PAN2: variants seen among roughly 807,000 people sequenced by gnomAD.
PAN2 encodes the protein poly(A) specific ribonuclease subunit PAN2.
Under a neutral mutation model 133.3 loss-of-function variants are expected in PAN2, and 68 were observed. That is an observed-to-expected ratio of 0.51 (90% CI 0.42 to 0.62). The LOEUF (loss-of-function observed/expected upper bound fraction) is 0.62, where lower values mean the gene tolerates loss of function less well. Ranked by LOEUF, PAN2 falls within the 20% of genes least tolerant of loss-of-function variation. PAN2 has a pLI of 0.00. For synonymous variants in PAN2, 462 were observed against 544.6 expected (o/e 0.85, Z 2.11); for missense variants, 1,042 against 1,500.5 (o/e 0.69, Z 5.05).
At chr12:56,322,909 CTGAG>C (rs1874720191) in intron 17 of PAN2, 149 bp downstream of exon 17, 1 of 1,266,438 alleles carries the variant, frequency 7.9e-7, no homozygotes, top group Non-Finnish European at 1.1e-6. Flanking sequence ...CAACACTGAA[CTGAG>C]TGACTATGGA....
At chr12:56,321,000 G>A (rs1303139702) in intron 20 of PAN2, among the ~76,000 whole-genome samples, 1 of 149,724 alleles carries the variant, frequency 6.7e-6, no homozygotes, top group Non-Finnish European at 1.5e-5. Flanking sequence ...GGAGGTGGAG[G>A]TCGCAGTGAG....
In PAN2 at chr12:56,322,083, A is replaced by T; in HGVS notation, c.2783T>A (p.Leu928Gln). 1 of 1,583,032 alleles carries T rather than the reference A, an allele frequency of 6.3e-7. No individual in the cohort carries two copies. ...GTCTACTATGTAGCACTTACTGTTCAGGTTGTATCTGGAATTGAGATTCCG... is the reference window on the plus strand; with the variant it reads ...GTCTACTATGTAGCACTTACTGTTCTGGTTGTATCTGGAATTGAGATTCCG... ...VKRNLNSRYN[L>Q]NIKNPIEASV... Residue 928 changes from leucine (L) to glutamine (Q), a missense_variant, in exon 20 of 26, where the codon CTG becomes CAG. By Grantham distance (113) the Leu-to-Gln change is moderately radical. Transcript: ENST00000440411.
At chr12:56,333,278 T>C (rs1224205781) in intron 1 of PAN2, 70 bp from the exon 2 acceptor site, 10 of 593,706 alleles carry the variant, frequency 1.7e-5, no homozygotes, top group South Asian at 1.2e-4. Context: ...TTCTAGGTTA[T>C]GGGGGCAGGA....
chr12:56,323,739 C>T (rs1565633777), intron 14 of PAN2, 68 bp downstream of exon 14: 4 of 1,450,292 alleles, frequency 2.8e-6, no homozygotes, highest in Non-Finnish European at 3.9e-6. Context: ...GAGCCAGCCC[C>T]ACATGGGATA....
At position 56,325,068 on chromosome 12, in the gene PAN2, T is replaced by C; in HGVS notation, c.1540A>G (p.Thr514Ala). The C allele has an allele frequency of 6.2e-7, 1 of 1,613,710 alleles. No individual in the cohort carries two copies. The highest frequency in any genetic ancestry group is 8.5e-7 in the Non-Finnish European group (1 of 1,179,724). The change falls in exon 10 of 26, where the codon ACC becomes GCC. Residue 514 changes from threonine to alanine, a missense_variant. Thr to Ala is a moderately conservative substitution (Grantham distance 58, BLOSUM62 0). Coordinates refer to ENST00000440411, the MANE Select transcript of PAN2 (RefSeq NM_014871.6). The part of the protein sequence containing the change: ...EDFDFKHYNK[T>A]LFAGLEPHIP... ...TGGGGCTCTAATCCAGCAAACAAGG[T>C]CTTATTGTAGTGTTTGAAGTCAAAG...
At chr12:56,328,439 T>C (rs1312316007) in intron 3 of PAN2, 33 bp downstream of exon 3, 1 of 1,611,232 alleles carries the variant, frequency 6.2e-7, no homozygotes, top group Admixed American at 1.7e-5. Flanking sequence ...TGAGGCATCC[T>C]CGTTCCTAGT....
At chr12:56,322,874 C>G (rs963360746) in intron 17 of PAN2, 116 bp from the exon 18 acceptor site, 4 of 1,285,724 alleles carry the variant, frequency 3.1e-6, no homozygotes, top group South Asian at 2.7e-5. Flanking sequence ...GGTGGGTTAT[C>G]TCCATCCTAG....
Position 56,319,315 on chromosome 12 carries a change from T to G in PAN2, c.3263A>C (p.Asn1088Thr). The change falls in exon 23 of 26, where the codon AAC becomes ACC. Residue 1088 changes from asparagine to threonine, a missense_variant. Physicochemically the swap from Asn to Thr is moderately conservative, Grantham distance 65 (BLOSUM62 0). Around this residue, in one of 3 missense-constraint regions of PAN2, gnomAD observed 49 missense variants for 160.5 expected, o/e 0.31. Transcript: ENST00000440411. This position sits in a 1 kb window ranked among gnomAD's most constrained non-coding sequence, Gnocchi z 5.4. ...AAAAGAGCCCTGCCAAACCATCAGG[T>G]TGATGACCCGGAAGTCCTTCTGCAG... ...HGLQKDFRVI[N>T]LMVPKDQVLD... The G allele has an allele frequency of 6.2e-7, 1 of 1,613,484 alleles. No individual in the cohort carries two copies. Among genetic ancestry groups the G allele is most frequent in the South Asian group, 1.1e-5 (1 of 90,994 alleles).
At chr12:56,320,088 G>A (rs1239658635) in intron 20 of PAN2, 67 bp from the exon 21 acceptor site, 19 of 1,494,544 alleles carry the variant, frequency 1.3e-5, no homozygotes, top group Non-Finnish European at 1.8e-5. Flanking sequence ...GAAGCCCAGT[G>A]TGGCTGATCA....
At chr12:56,318,480 G>T (rs764647241) in intron 24 of PAN2, 46 bp from the exon 25 acceptor site, 8 of 1,454,194 alleles carry the variant, frequency 5.5e-6, no homozygotes, top group Non-Finnish European at 7.7e-6. Context: ...GCAAAGGGAG[G>T]TAGGAACATG....
At position 56,317,275 on chromosome 12, in the gene PAN2, G is replaced by T; in HGVS notation, c.*334C>A. 3.2e-6 allele frequency: 1 copy of T among 312,332 alleles called. No homozygotes were observed. The highest frequency in any genetic ancestry group is 7.2e-5 in the East Asian group (1 of 13,834). The allele number at this position is 312,332 out of a possible 1,614,324, so 19.3% of individuals were successfully genotyped here. A position where few individuals can be genotyped will look rare whatever the true frequency, so the allele number is the denominator to read the frequency against. On this transcript the variant is annotated 3_prime_UTR_variant, in exon 26 of 26. Coordinates refer to ENST00000440411, the MANE Select transcript of PAN2 (RefSeq NM_014871.6). ...AGGACTTCAATCCCTAGCCAGCTAG[G>T]AACTTACAGTTATGGTTCCAGGAGC...
chr12:56,323,610 A>G lies in PAN2; in HGVS notation c.2173-12T>C, dbSNP rs764704561. 1.2e-6 allele frequency: 2 copies of G among 1,611,562 alleles called. No individual in the cohort carries two copies. Among genetic ancestry groups the G allele is most frequent in the South Asian group, 2.2e-5 (2 of 91,012 alleles). On this transcript the variant is annotated splice_polypyrimidine_tract_variant and intron_variant, in intron 14 of 25. Transcript: ENST00000440411. Reference sequence around the variant, plus strand: ...TTGCGGGTCTGAATCTGAGAGGAAGAAACAAACAAGGAATGGCAGGGAATG... The same window carrying G: ...TTGCGGGTCTGAATCTGAGAGGAAGGAACAAACAAGGAATGGCAGGGAATG...
chr12:56,324,225 T>C (rs1404609246), intron 12 of PAN2, 40 bp from the exon 13 acceptor site: 2 of 1,611,814 alleles, frequency 1.2e-6, no homozygotes, highest in African/African-American at 2.7e-5. Context: ...TTGAGGAAGT[T>C]AGGAGACCTT....
At chr12:56,330,644 C>A (rs963008226) in intron 2 of PAN2, among the ~76,000 whole-genome samples, 1 of 151,514 alleles carries the variant, frequency 6.6e-6, no homozygotes, top group African/African-American at 2.4e-5. Flanking sequence ...CAGGCGTGAG[C>A]CACCGCGCCC....
At chr12:56,326,259 T>C (rs779260380) in intron 8 of PAN2, 54 bp downstream of exon 8, 301 of 1,463,504 alleles carry the variant, frequency 2.1e-4, no homozygotes, top group Non-Finnish European at 2.5e-4. Context: ...AGGAAAAAGA[T>C]AGGAGAAACT....
intron 4 of PAN2, 55 bp downstream of exon 4, chr12:56,328,183 T>A (rs1287477810): frequency 6.3e-7 from 1 of 1,594,746 alleles, no homozygotes; most frequent in Non-Finnish European, 8.6e-7. Flanking sequence ...AAGCATACCC[T>A]GCCCCCGCAA....
At chr12:56,322,794 TAAGGATGGGG>T in intron 17 of PAN2, 36 bp from the exon 18 acceptor site, 1 of 1,584,762 alleles carries the variant, frequency 6.3e-7, no homozygotes, top group Non-Finnish European at 8.6e-7. Flanking sequence ...AAGCTAAGTT[TAAGGATGGGG>T]AAGGGAGGGG....
chr12:56,320,872 G>A (rs906979868), intron 20 of PAN2, among the ~76,000 whole-genome samples: 1 of 149,958 alleles, frequency 6.7e-6, no homozygotes, highest in Non-Finnish European at 1.5e-5. Context: ...AGACCAACCT[G>A]GCCAACATGG....
intron 1 of PAN2, 157 bp from the exon 2 acceptor site, chr12:56,333,365 G>A: frequency 2.0e-6 from 1 of 497,522 alleles, no homozygotes; most frequent in South Asian, 2.3e-5. Flanking sequence ...GGCAGTGGGG[G>A]TGGAGGTGGT....
Sources: allele counts gnomAD v4.1 joint callset (sites outside exome capture counted in the v4.1 genomes callset), GRCh38; gene constraint gnomAD v4.1.1; regional missense constraint gnomAD v4.1.1; non-coding constraint Gnocchi (gnomAD v3.1); transcripts MANE v1.5; gene names NCBI Gene and HGNC (gene_info 2026-07-23, HGNC 2026-07-21).